LIPC: variants seen among roughly 807,000 people sequenced by gnomAD.
LIPC encodes hepatic triacylglycerol lipase.
A neutral mutation model predicts 50.7 loss-of-function variants in LIPC; 44 were observed. The ratio of observed to expected loss-of-function variants is 0.87; its 90% CI spans 0.68 to 1.11. The LOEUF is 1.11. LIPC is among the 50% of genes most tolerant of loss of function. The pLI is 0.00. For synonymous variants in LIPC, 271 were observed against 256.4 expected (o/e 1.06, Z -0.54); for missense variants, 697 against 648.2 (o/e 1.08, Z -0.82).
At chr15:58,454,385 C>T (rs1456563677) in intron 1 of LIPC, 1 of 152,216 alleles carries the variant, frequency 6.6e-6, no homozygotes, top group African/African-American at 2.4e-5. Context: ...TTTGGCTTTA[C>T]TCCCTTCCTG....
intron 1 of LIPC, among the ~76,000 whole-genome samples, chr15:58,479,038 C>A (rs915635731): frequency 6.6e-6 from 1 of 152,222 alleles, no homozygotes; most frequent in Non-Finnish European, 1.5e-5. Flanking sequence ...ACTTTCCAAC[C>A]TAGAAGACAG....
At chr15:58,559,623 G>C (rs1293695870) in intron 6 of LIPC, among the ~76,000 whole-genome samples, 1 of 150,864 alleles carries the variant, frequency 6.6e-6, no homozygotes, top group East Asian at 2.0e-4. Context: ...ATGGAGACAA[G>C]AGAGCTCAGG....
intron 6 of LIPC, among the ~76,000 whole-genome samples, chr15:58,553,445 A>C (rs1893829746): frequency 6.6e-6 from 1 of 152,146 alleles, no homozygotes; most frequent in South Asian, 2.1e-4. Flanking sequence ...AAGAATTAAA[A>C]ATTAGCCAGG....
intron 1 of LIPC, among the ~76,000 whole-genome samples, chr15:58,499,968 T>G (rs1256977807): frequency 6.6e-6 from 1 of 152,038 alleles, no homozygotes. Flanking sequence ...GAGGTCTGAT[T>G]TGGTACAAGA....
intron 1 of LIPC, among the ~76,000 whole-genome samples, chr15:58,481,660 C>T (rs529717616): frequency 6.6e-6 from 1 of 152,200 alleles, no homozygotes; most frequent in African/African-American, 2.4e-5. Context: ...TAAAAATTAG[C>T]CAGGCCTGGC....
rs143889538 is a variant in LIPC, at chr15:58,562,407, G to A, written c.1170-1098G>A. ...GAGTTCATAACCCAGAAATTCAAGTGGTATCTTTTGACTTGGCACAGATTT... is the reference window on the plus strand; with the variant it reads ...GAGTTCATAACCCAGAAATTCAAGTAGTATCTTTTGACTTGGCACAGATTT... On this transcript the variant is annotated intron_variant, in intron 7 of 8. Transcript: ENST00000299022. Among the ~76,000 whole-genome samples the A allele has an allele frequency of 5.6e-3, 850 of 152,248 alleles. 6 individuals are homozygous for A. Among genetic ancestry groups the A allele is most frequent in the African/African-American group, 0.018 (733 of 41,544 alleles).
chr15:58,432,190 C>T, intron 1 of LIPC, 70 bp downstream of exon 1: 3 of 1,183,090 alleles, frequency 2.5e-6, no homozygotes, highest in Non-Finnish European at 3.8e-6. Context: ...ACAAAGAATC[C>T]AGGGGTTTCT....
At chr15:58,436,236 C>CTGCA (rs1281628764) in intron 1 of LIPC, 1 of 157,082 alleles carries the variant, frequency 6.4e-6, no homozygotes, top group African/African-American at 2.4e-5. Flanking sequence ...TTACCTGCTT[C>CTGCA]TGCATGTAAA....
At position 58,541,974 on chromosome 15, in the gene LIPC, A is replaced by G; in HGVS notation, c.456+7A>G. 6.2e-7 allele frequency: 1 copy of G among 1,604,392 alleles called. No individual in the cohort carries two copies. Among genetic ancestry groups the G allele is most frequent in the Non-Finnish European group, 8.5e-7 (1 of 1,177,346 alleles). The stretch of plus-strand genomic sequence containing the variant: ...TCTTCTCCGGTGGCTGGAGGTACCG[A>G]CCTGCCCCATCCTTCCTTCACCTCC... On this transcript the variant is annotated splice_region_variant and intron_variant, in intron 3 of 8. Transcript: ENST00000299022.
At chr15:58,459,497 T>A (rs1252023640) in intron 1 of LIPC, among the ~76,000 whole-genome samples, 3 of 151,868 alleles carry the variant, frequency 2.0e-5, no homozygotes, top group African/African-American at 7.3e-5. Flanking sequence ...ATGGTCCAGA[T>A]TTTCAGGAAA....
In LIPC at chr15:58,543,130, C is replaced by T. The variant is rs567544808; in HGVS notation, c.574+479C>T. Among the ~76,000 whole-genome samples, 5 of 152,232 alleles carry T rather than the reference C, an allele frequency of 3.3e-5. No individual in the cohort carries two copies. The South Asian group carries it at 8.3e-4, about 25-fold the overall frequency. ...GGAGCTCTGCATCCAAAACTTCACCCCAAACTCCATACACACTCAGAAATG... is the reference window on the plus strand; with the variant it reads ...GGAGCTCTGCATCCAAAACTTCACCTCAAACTCCATACACACTCAGAAATG... On this transcript the variant is annotated intron_variant, in intron 4 of 8. Coordinates refer to ENST00000299022, the MANE Select transcript of LIPC (RefSeq NM_000236.3).
At chr15:58,491,335 T>G (rs2140807304) in intron 1 of LIPC, among the ~76,000 whole-genome samples, 1 of 152,316 alleles carries the variant, frequency 6.6e-6, no homozygotes, top group African/African-American at 2.4e-5. Flanking sequence ...ATCCTCACTC[T>G]ACTCTCCCCA....
At chr15:58,490,428 G>A (rs979890072) in intron 1 of LIPC, among the ~76,000 whole-genome samples, 1 of 152,192 alleles carries the variant, frequency 6.6e-6, no homozygotes, top group African/African-American at 2.4e-5. Flanking sequence ...ATGCCCCTTT[G>A]TAGCTGAGTG....
intron 7 of LIPC, among the ~76,000 whole-genome samples, chr15:58,561,778 G>T (rs1894172127): frequency 6.6e-6 from 1 of 152,176 alleles, no homozygotes; most frequent in Non-Finnish European, 1.5e-5. Flanking sequence ...GCTACAAAAA[G>T]TCTGCTTCAT....
intron 8 of LIPC, among the ~76,000 whole-genome samples, chr15:58,568,376 G>T (rs1217011074): frequency 2.6e-5 from 4 of 152,216 alleles, no homozygotes; most frequent in Non-Finnish European, 5.9e-5. Flanking sequence ...TGTTTGCCCT[G>T]AAGTCAAGGC....
chr15:58,440,599 A>G (rs1352167871), intron 1 of LIPC, among the ~76,000 whole-genome samples: 2 of 152,210 alleles, frequency 1.3e-5, no homozygotes, highest in Admixed American at 6.5e-5. Flanking sequence ...CAGGGTCTCT[A>G]GCCCCTTATG....
At chr15:58,501,172 G>T (rs981121209) in intron 1 of LIPC, among the ~76,000 whole-genome samples, 1 of 151,702 alleles carries the variant, frequency 6.6e-6, no homozygotes, top group Non-Finnish European at 1.5e-5. Context: ...CTCTACAACC[G>T]CACGCCTCAC....
intron 1 of LIPC, among the ~76,000 whole-genome samples, chr15:58,482,596 C>T (rs1317429484): frequency 1.3e-5 from 2 of 152,190 alleles, no homozygotes; most frequent in Non-Finnish European, 2.9e-5. Flanking sequence ...CACAGCCACT[C>T]TAAATTTCTG....
chr15:58,500,696 T>G (rs1016853731), intron 1 of LIPC, among the ~76,000 whole-genome samples: 1 of 152,058 alleles, frequency 6.6e-6, no homozygotes, highest in Non-Finnish European at 1.5e-5. Flanking sequence ...CTGTTAAATT[T>G]TGTCTTTTCA....
Sources: allele counts gnomAD v4.1 joint callset (sites outside exome capture counted in the v4.1 genomes callset), GRCh38; gene constraint gnomAD v4.1.1; transcripts MANE v1.5; gene names NCBI Gene and HGNC (gene_info 2026-07-23, HGNC 2026-07-21).